Variants in TECR observed in about 807,000 individuals in gnomAD.
TECR encodes trans-2,3-enoyl-CoA reductase, also known as very-long-chain enoyl-CoA reductase.
TECR carries 19 observed loss-of-function variants against 50.6 expected under a neutral mutation model. The ratio of observed to expected loss-of-function variants is 0.38; its 90% confidence interval spans 0.26 to 0.55. The LOEUF is 0.55. TECR is among the 20% of genes least tolerant of loss of function. TECR has a pLI of 0.79. For missense variants in TECR, 313 were observed against 408.3 expected (o/e 0.77, Z 2.01); for synonymous variants, 168 against 163.5 (o/e 1.03, Z -0.21).
chr19:14,561,165 C>T (rs1568426429), intron 1 of TECR, among the ~76,000 whole-genome samples: 1 of 152,174 alleles, frequency 6.6e-6, no homozygotes, highest in South Asian at 2.1e-4. Flanking sequence ...GCTGCCGTGG[C>T]CCGGTCTCCC....
chr19:14,564,824 C>T lies in TECR; in HGVS notation c.528C>T (p.Ala176=), dbSNP rs775864750. 6.2e-7 allele frequency: 1 copy of T among 1,613,822 alleles called. No individual in the cohort carries two copies. Among genetic ancestry groups the T allele is most frequent in the East Asian group, 2.2e-5 (1 of 44,752 alleles). The part of the protein sequence containing the change: ...TYYWGFAAWM[A]YYINHPLYTP... ...ACTGGGGCTTCGCCGCGTGGATGGC[C>T]TATTACATCAATCACCCTCTCTACA... Residue 176 remains alanine, a synonymous_variant, in exon 8 of 13, where the codon GCC becomes GCT. Coordinates refer to ENST00000215567, the MANE Select transcript of TECR (RefSeq NM_138501.6).
At position 14,543,417 on chromosome 19, in the gene TECR, ATATTTTTTTTTTTTTTTTTTTTTTT is replaced by A. The variant is rs1174595485; in HGVS notation, c.15+13708_15+13732del. Among the ~76,000 whole-genome samples the A allele has an allele frequency of 6.7e-3, 67 of 9,996 alleles. 4 individuals are homozygous for A. In the South Asian group the frequency reaches 0.23, roughly 34 times the overall value. 6.6% of individuals were successfully genotyped at this position (9,996 alleles called of 152,430 possible). The stretch of plus-strand genomic sequence containing the variant: ...TATATATATATATATATATATATAT[ATATTTTTTTTTTTTTTTTTTTTTTT>A]TTTTTTTTTTTTTTGAGACGGAGTC... On this transcript the variant is annotated intron_variant, in intron 1 of 12. Transcript: ENST00000215567.
intron 1 of TECR, among the ~76,000 whole-genome samples, chr19:14,540,892 T>C (rs2073074585): frequency 1.3e-5 from 2 of 151,994 alleles, no homozygotes; most frequent in Non-Finnish European, 2.9e-5. Context: ...TGGAGTGCAG[T>C]AGAGTGATCT....
upstream of TECR, among the ~76,000 whole-genome samples, chr19:14,528,246 TTTTTTC>T (rs1354762344): frequency 4.9e-5 from 7 of 144,086 alleles, no homozygotes; most frequent in South Asian, 2.2e-4. Context: ...TTTCTTTTTC[TTTTTTC>T]TTTTTTTTTT....
chr19:14,555,449 T>TC (rs1221775933), intron 1 of TECR, among the ~76,000 whole-genome samples: 1 of 137,584 alleles, frequency 7.3e-6, no homozygotes, highest in Non-Finnish European at 1.6e-5. Flanking sequence ...TTTTTTTTTT[T>TC]TTTTTTTTTT....
upstream of TECR, among the ~76,000 whole-genome samples, chr19:14,528,520 G>A (rs537152794): frequency 1.3e-5 from 2 of 152,040 alleles, no homozygotes; most frequent in Non-Finnish European, 2.9e-5. Flanking sequence ...TTACAGGTGT[G>A]AGCCATCGTT....
rs747866366 is a variant in TECR, at chr19:14,565,613, C to G, written c.754-5C>G. ...CCCACGCTCACTCTCCGCCCCTGCC[C>G]ACAGGTGGGGTCCTGGATCGGTTTC... On this transcript the variant is annotated splice_polypyrimidine_tract_variant and splice_region_variant and intron_variant, in intron 11 of 12. Transcript: ENST00000215567. 8 of 1,610,992 alleles carry G rather than the reference C, an allele frequency of 5.0e-6. No individual in the cohort carries two copies. Among genetic ancestry groups the G allele is most frequent in the Non-Finnish European group, 5.1e-6 (6 of 1,179,540 alleles).
chr19:14,564,037 G>T lies in TECR; in HGVS notation c.323G>T (p.Arg108Leu). ...PLFIYLLFYFRVPFIYGHKYD... is the reference protein window; with the variant it reads ...PLFIYLLFYFLVPFIYGHKYD... ...TTCATCTACCTGCTCTTCTACTTCC[G>T]AGTGCCCTTCATCTATGGCCACAAA... Residue 108 changes from arginine to leucine, a missense_variant, in exon 6 of 13, where the codon CGA becomes CTA. Arg to Leu is a moderately radical substitution (Grantham distance 102). Coordinates refer to ENST00000215567, the MANE Select transcript of TECR (RefSeq NM_138501.6). The T allele has an allele frequency of 6.2e-7, 1 of 1,613,836 alleles. No individual in the cohort carries two copies.
chr19:14,529,466 C>T, upstream of TECR: 1 of 659,134 alleles, frequency 1.5e-6, no homozygotes, highest in Non-Finnish European at 2.8e-6. Flanking sequence ...ATTGGTCAAT[C>T]CCCTGGTGCT....
chr19:14,546,075 G>A (rs1238790703), intron 1 of TECR, among the ~76,000 whole-genome samples: 1 of 152,142 alleles, frequency 6.6e-6, no homozygotes, highest in East Asian at 1.9e-4. Flanking sequence ...CCTGGAAGGT[G>A]AGGAAGTGAT....
At chr19:14,556,533 C>T (rs551365753) in intron 1 of TECR, among the ~76,000 whole-genome samples, 12 of 152,274 alleles carry the variant, frequency 7.9e-5, no homozygotes, top group South Asian at 2.1e-4. Context: ...TTGCCCAGCA[C>T]GCACAGGCTA....
At chr19:14,534,367 G>A (rs1041184193) in intron 1 of TECR, among the ~76,000 whole-genome samples, 4 of 136,688 alleles carry the variant, frequency 2.9e-5, no homozygotes, top group Non-Finnish European at 6.1e-5. Context: ...CTTATGATCC[G>A]CCCGCCTCGG....
In TECR at chr19:14,538,721, CGG is replaced by C. The variant is rs761596286; in HGVS notation, c.15+9013_15+9014del. Among the ~76,000 whole-genome samples, 289 of 150,814 alleles carry C rather than the reference CGG, an allele frequency of 1.9e-3. 1 individual carries two copies. Among genetic ancestry groups the C allele is most frequent in the Non-Finnish European group, 2.6e-3 (176 of 67,728 alleles). ...CTAATTTTTGTATTTTTAGTAGAGA[CGG>C]GGTTTCAGCATCTTGGCCAGGCTGG... On this transcript the variant is annotated intron_variant, in intron 1 of 12. Transcript: ENST00000215567.
At chr19:14,546,748 G>A (rs150547652) in intron 1 of TECR, among the ~76,000 whole-genome samples, 1 of 151,940 alleles carries the variant, frequency 6.6e-6, no homozygotes, top group Admixed American at 6.6e-5. Context: ...GCCGTGTCGC[G>A]ATCTTGGCTT....
At chr19:14,531,700 G>GCATGAGCC (rs2072673165) in intron 1 of TECR, 1 of 152,184 alleles carries the variant, frequency 6.6e-6, no homozygotes. Context: ...GGGATTACAG[G>GCATGAGCC]CATGAGCCAC....
At chr19:14,543,812 C>T (rs1485996843) in intron 1 of TECR, among the ~76,000 whole-genome samples, 1 of 151,814 alleles carries the variant, frequency 6.6e-6, no homozygotes, top group Non-Finnish European at 1.5e-5. Flanking sequence ...GATCGCAGCT[C>T]ATTGCAACCT....
chr19:14,540,075 T>C (rs565160524), intron 1 of TECR, among the ~76,000 whole-genome samples: 1 of 151,046 alleles, frequency 6.6e-6, no homozygotes, highest in South Asian at 2.1e-4. Flanking sequence ...TTTTTTTTTT[T>C]TTGAGACGGA....
chr19:14,531,187 A>G (rs2072639968), intron 1 of TECR: 1 of 152,068 alleles, frequency 6.6e-6, no homozygotes, highest in Non-Finnish European at 1.5e-5. Flanking sequence ...GGTGACCGCC[A>G]CCATGCCCGG....
At chr19:14,542,662 C>T (rs897013545) in intron 1 of TECR, among the ~76,000 whole-genome samples, 1 of 152,122 alleles carries the variant, frequency 6.6e-6, no homozygotes, top group Non-Finnish European at 1.5e-5. Context: ...TGCACCTGCC[C>T]ACCATGGTGT....
Sources: allele counts gnomAD v4.1 joint callset (sites outside exome capture counted in the v4.1 genomes callset), GRCh38; gene constraint gnomAD v4.1.1; transcripts MANE v1.5; gene names NCBI Gene and HGNC (gene_info 2026-07-23, HGNC 2026-07-21).